Variants in SCTR observed in about 807,000 individuals in gnomAD.
SCTR encodes the protein secretin receptor.
In SCTR, 56 loss-of-function variants were observed where a neutral mutation model predicts 60.8. That is an observed-to-expected ratio of 0.92 (90% CI 0.74 to 1.15). SCTR has a LOEUF of 1.15. SCTR is among the 50% of genes most tolerant of loss of function. The pLI, the probability that SCTR is intolerant of heterozygous loss-of-function variation, is 0.00. For synonymous variants in SCTR, 202 were observed against 217.0 expected (o/e 0.93, Z 0.61); for missense variants, 562 against 550.4 (o/e 1.02, Z -0.21).
chr2:119,497,945 A>T (rs1192855208), intron 1 of SCTR, among the ~76,000 whole-genome samples: 1 of 152,158 alleles, frequency 6.6e-6, no homozygotes, highest in Non-Finnish European at 1.5e-5. Context: ...GAGGAGAAAG[A>T]GGGTGGAGTT....
Position 119,488,097 on chromosome 2 carries a change from A to G in SCTR, c.193+6331T>C, listed in dbSNP as rs541903901. Among the ~76,000 whole-genome samples, 12 of 152,328 alleles carry G rather than the reference A, an allele frequency of 7.9e-5. No homozygotes were observed. The East Asian group carries it at 2.1e-3, about 27-fold the overall frequency. ...CCCCCTCAGTGGGGCAGATCTGAAGACTTTTCCAGCAGGCAGAGTCCTTGG... is the reference window on the plus strand; with the variant it reads ...CCCCCTCAGTGGGGCAGATCTGAAGGCTTTTCCAGCAGGCAGAGTCCTTGG... On this transcript the variant is annotated intron_variant, in intron 2 of 12. Transcript: ENST00000019103.
intron 1 of SCTR, among the ~76,000 whole-genome samples, chr2:119,510,003 AC>A (rs1678880341): frequency 6.7e-6 from 1 of 149,762 alleles, no homozygotes; most frequent in Non-Finnish European, 1.5e-5. Context: ...TTTTTATTTT[AC>A]TTTAAGTTCT....
At chr2:119,486,384 G>A (rs995735909) in intron 2 of SCTR, 1 of 152,220 alleles carries the variant, frequency 6.6e-6, no homozygotes, top group Admixed American at 6.5e-5. Flanking sequence ...TAGCTTCTGA[G>A]CACGGGGAGC....
At chr2:119,485,545 G>A (rs1677825797) in intron 2 of SCTR, among the ~76,000 whole-genome samples, 1 of 152,180 alleles carries the variant, frequency 6.6e-6, no homozygotes, top group Non-Finnish European at 1.5e-5. Flanking sequence ...TAAAAACCTG[G>A]GACTATTTCT....
At chr2:119,444,114 CAT>C (rs1682762643) in intron 11 of SCTR, among the ~76,000 whole-genome samples, 1 of 146,624 alleles carries the variant, frequency 6.8e-6, no homozygotes, top group Admixed American at 6.8e-5. Context: ...AACATTTTCT[CAT>C]GTGTGTGTAT....
chr2:119,524,114 C>A, intron 1 of SCTR, 41 bp downstream of exon 1: 1 of 1,503,418 alleles, frequency 6.7e-7, no homozygotes, highest in Non-Finnish European at 9.0e-7. Flanking sequence ...GAGACTGTCG[C>A]TCCCTCGGGT....
At chr2:119,492,099 T>A (rs1678153870) in intron 2 of SCTR, among the ~76,000 whole-genome samples, 1 of 152,148 alleles carries the variant, frequency 6.6e-6, no homozygotes, top group African/African-American at 2.4e-5. Flanking sequence ...TTCTAGTGAG[T>A]TTCTTCTACT....
intron 1 of SCTR, among the ~76,000 whole-genome samples, chr2:119,501,550 G>A (rs1299233449): frequency 6.6e-6 from 1 of 152,140 alleles, no homozygotes; most frequent in African/African-American, 2.4e-5. Context: ...ATAAGTTCTA[G>A]CCTTTGATAA....
At chr2:119,449,062 T>C (rs989651621) in intron 9 of SCTR, among the ~76,000 whole-genome samples, 4 of 152,246 alleles carry the variant, frequency 2.6e-5, no homozygotes, top group Non-Finnish European at 5.9e-5. Context: ...GTGCAGAGCA[T>C]TGGAAGCCCC....
intron 6 of SCTR, among the ~76,000 whole-genome samples, chr2:119,463,777 C>T (rs1440008892): frequency 6.6e-6 from 1 of 152,204 alleles, no homozygotes. Context: ...CCCCCACCCT[C>T]TCCAGACTGG....
chr2:119,469,223 C>T (rs1676874694), intron 4 of SCTR, among the ~76,000 whole-genome samples: 1 of 152,142 alleles, frequency 6.6e-6, no homozygotes, highest in South Asian at 2.1e-4. Context: ...TCGCCATGTA[C>T]AGATGAGCCG....
intron 4 of SCTR, among the ~76,000 whole-genome samples, chr2:119,470,643 G>A (rs772771280): frequency 2.6e-5 from 4 of 152,152 alleles, no homozygotes; most frequent in Non-Finnish European, 4.4e-5. Context: ...TTGTGGTTAA[G>A]GCCCTGGGCT....
At chr2:119,459,271 A>G (rs1358377291) in intron 7 of SCTR, among the ~76,000 whole-genome samples, 3 of 152,218 alleles carry the variant, frequency 2.0e-5, no homozygotes, top group African/African-American at 7.2e-5. Context: ...GAACATGCTT[A>G]TGTGTTAATG....
At chr2:119,495,580 AG>A (rs1678314288) in intron 1 of SCTR, 1 of 152,254 alleles carries the variant, frequency 6.6e-6, no homozygotes, top group Non-Finnish European at 1.5e-5. Flanking sequence ...AGTAATCAAA[AG>A]TTCTGGGCCA....
chr2:119,465,751 G>A lies in SCTR; in HGVS notation c.503+38C>T, dbSNP rs73951112. On this transcript the variant is annotated intron_variant, in intron 5 of 12. Coordinates refer to ENST00000019103, the MANE Select transcript of SCTR (RefSeq NM_002980.3). ...AAGAGACCCAAAGTCTGTACCTGAG[G>A]AGGGCTGGGGTATGGAGAGCTGGCA... The A allele has an allele frequency of 2.1e-3, 2,882 of 1,384,352 alleles. 44 individuals carry two copies. In the African/African-American group the frequency reaches 0.035, roughly 17 times the overall value. The allele number at this position is 1,384,352 out of a possible 1,614,324, so 85.8% of individuals were successfully genotyped here.
At chr2:119,518,979 T>G (rs1194806974) in intron 1 of SCTR, among the ~76,000 whole-genome samples, 3 of 152,086 alleles carry the variant, frequency 2.0e-5, no homozygotes, top group African/African-American at 7.2e-5. Context: ...CTCCCCCTTT[T>G]TTTTTGAGAC....
chr2:119,446,454 CG>C (rs1682930650), intron 11 of SCTR, among the ~76,000 whole-genome samples: 1 of 152,158 alleles, frequency 6.6e-6, no homozygotes, highest in Non-Finnish European at 1.5e-5. Context: ...TCCGCGCTTA[CG>C]TTATTTTGAC....
chr2:119,446,792 C>T lies in SCTR; in HGVS notation c.1107G>A (p.Gln369=), dbSNP rs1261636905. 6.4e-7 allele frequency: 1 copy of T among 1,565,786 alleles called. No homozygotes were observed. The highest frequency in any genetic ancestry group is 1.4e-5 in the African/African-American group (1 of 72,850). ...AGCCAAGGGCTAGTTCAAAAAACAG[C>T]TGGATCTCCATAGCGTCCTCTGGGG... ...AFSPEDAMEI[Q]LFFELALGSF... Residue 369 remains glutamine (Q), a synonymous_variant, in exon 11 of 13, where the codon CAG becomes CAA. Transcript: ENST00000019103.
chr2:119,491,212 A>G (rs540605827), intron 2 of SCTR, among the ~76,000 whole-genome samples: 5 of 152,292 alleles, frequency 3.3e-5, no homozygotes, highest in African/African-American at 1.2e-4. Flanking sequence ...TGATCTTTTC[A>G]TAATGCAGAC....
Sources: gnomAD v4.1 joint callset for allele counts (sites outside exome capture counted in the v4.1 genomes callset) on GRCh38, gnomAD v4.1.1 for gene constraint, MANE v1.5 for transcripts, NCBI Gene and HGNC (gene_info 2026-07-23, HGNC 2026-07-21) for gene names.